UMAD1: variants seen among roughly 807,000 people sequenced by gnomAD.
The protein encoded by UMAD1 is UBAP1-MVB12-associated (UMA)-domain containing protein 1.
In UMAD1, 8 loss-of-function variants were observed where a neutral mutation model predicts 6.1. That is an observed-to-expected ratio of 1.30 (90% CI 0.76 to 2.35). The LOEUF is 2.35. UMAD1 is among the 30% of genes most tolerant of loss of function. UMAD1 has a pLI of 0.00. For synonymous variants in UMAD1, 56 were observed against 31.4 expected (o/e 1.78, Z -2.61); for missense variants, 130 against 78.4 (o/e 1.66, Z -2.49).
intron 2 of UMAD1, among the ~76,000 whole-genome samples, chr7:7,757,579 A>T (rs1781801906): frequency 1.3e-5 from 2 of 152,208 alleles, no homozygotes; most frequent in Non-Finnish European, 1.5e-5. Context: ...AACTTTTTTG[A>T]AGAGTTAGTT....
chr7:7,695,449 C>T (rs1384359354), intron 2 of UMAD1, among the ~76,000 whole-genome samples: 2 of 151,974 alleles, frequency 1.3e-5, no homozygotes, highest in Non-Finnish European at 2.9e-5. Context: ...ATTTTTTTTA[C>T]TCTGATTCTG....
chr7:7,647,520 A>C (rs765464003), intron 1 of UMAD1, among the ~76,000 whole-genome samples: 3 of 152,214 alleles, frequency 2.0e-5, no homozygotes, highest in Non-Finnish European at 4.4e-5. Context: ...TGTCTGCTTA[A>C]TATCTCAATT....
chr7:7,805,854 C>G (rs1046595365), intron 3 of UMAD1, among the ~76,000 whole-genome samples: 14 of 152,116 alleles, frequency 9.2e-5, no homozygotes, highest in Non-Finnish European at 1.8e-4. Context: ...GTCACTGTCA[C>G]ATAACTCTGT....
chr7:7,734,008 G>A (rs36092641), intron 2 of UMAD1, among the ~76,000 whole-genome samples: 45,120 of 151,828 alleles, frequency 0.3, 7,743 homozygotes, highest in African/African-American at 0.48. Context: ...AATAGTTAAG[G>A]ATTAACAGTG....
chr7:7,778,888 TA>T (rs1288538826), intron 2 of UMAD1, among the ~76,000 whole-genome samples: 1 of 152,222 alleles, frequency 6.6e-6, no homozygotes, highest in African/African-American at 2.4e-5. Flanking sequence ...GAATAAATGC[TA>T]ATAGCAATTT....
At chr7:7,836,173 A>G (rs1287523073) in intron 3 of UMAD1, among the ~76,000 whole-genome samples, 2 of 152,036 alleles carry the variant, frequency 1.3e-5, no homozygotes, top group Non-Finnish European at 2.9e-5. Context: ...CTTACTGTCA[A>G]TTTGTGTACA....
rs1289173578 is a variant in UMAD1, at chr7:7,709,828, G to A, written c.82+36375G>A. Among the ~76,000 whole-genome samples the A allele has an allele frequency of 6.6e-5, 10 of 151,768 alleles. 1 individual carries two copies. Among genetic ancestry groups the A allele is most frequent in the African/African-American group, 2.4e-4 (10 of 41,368 alleles). On this transcript the variant is annotated intron_variant, in intron 2 of 3. Coordinates refer to ENST00000682710, the MANE Select transcript of UMAD1 (RefSeq NM_001302348.2). The stretch of plus-strand genomic sequence containing the variant: ...AACATATTCAGAATGACAATGTGAT[G>A]AACACCTGTGTACCCACCAATTGGT...
Position 7,762,855 on chromosome 7 carries a change from A to G in UMAD1, c.83-38815A>G, listed in dbSNP as rs186234998. Among the ~76,000 whole-genome samples the G allele has an allele frequency of 1.3e-3, 190 of 151,380 alleles. 5 individuals are homozygous for G. The East Asian group carries it at 0.031, about 24-fold the overall frequency. On this transcript the variant is annotated intron_variant, in intron 2 of 3. Coordinates refer to ENST00000682710, the MANE Select transcript of UMAD1 (RefSeq NM_001302348.2). ...GCTTCATGAGTTGAAAGCACATTAC[A>G]TATATGTAAGATTTAATGGATTTAA...
intron 3 of UMAD1, among the ~76,000 whole-genome samples, chr7:7,809,454 G>A (rs923811077): frequency 1.3e-5 from 2 of 151,756 alleles, no homozygotes; most frequent in Admixed American, 6.6e-5. Flanking sequence ...TATTTATGGG[G>A]TACGGTGTGA....
chr7:7,669,844 C>T (rs1433450382), intron 1 of UMAD1, among the ~76,000 whole-genome samples: 1 of 152,178 alleles, frequency 6.6e-6, no homozygotes. Context: ...TTTCTATAGT[C>T]TCTGCCTCCT....
At chr7:7,864,317 A>T (rs1784183180) in intron 3 of UMAD1, among the ~76,000 whole-genome samples, 1 of 152,178 alleles carries the variant, frequency 6.6e-6, no homozygotes, top group Non-Finnish European at 1.5e-5. Flanking sequence ...AATAAATGTG[A>T]GCTCTACATT....
intron 2 of UMAD1, among the ~76,000 whole-genome samples, chr7:7,712,885 T>C (rs182001435): frequency 3.4e-4 from 52 of 152,298 alleles, no homozygotes; most frequent in African/African-American, 1.1e-3. Flanking sequence ...TTAGAATTGG[T>C]ATAAGATTTG....
At chr7:7,772,244 G>A (rs1782116656) in intron 2 of UMAD1, 1 of 152,084 alleles carries the variant, frequency 6.6e-6, no homozygotes, top group Non-Finnish European at 1.5e-5. Flanking sequence ...TCCTTACTAT[G>A]GATTTTAATG....
chr7:7,765,040 T>A (rs1380037053), intron 2 of UMAD1, among the ~76,000 whole-genome samples: 1 of 152,098 alleles, frequency 6.6e-6, no homozygotes, highest in East Asian at 1.9e-4. Flanking sequence ...AATCAGGTAT[T>A]GTCTTGTTGT....
chr7:7,835,839 T>C (rs924411219), intron 3 of UMAD1, among the ~76,000 whole-genome samples: 13 of 152,064 alleles, frequency 8.5e-5, no homozygotes, highest in African/African-American at 3.1e-4. Flanking sequence ...TCCATTTAGT[T>C]ATGAGTAATA....
At chr7:7,650,105 G>A (rs1473553797) in intron 1 of UMAD1, among the ~76,000 whole-genome samples, 2 of 152,136 alleles carry the variant, frequency 1.3e-5, no homozygotes, top group Non-Finnish European at 2.9e-5. Flanking sequence ...AGTTACTTTG[G>A]GTCAAGACAG....
intron 3 of UMAD1, among the ~76,000 whole-genome samples, chr7:7,832,140 A>G (rs966177049): frequency 4.6e-5 from 7 of 152,200 alleles, no homozygotes; most frequent in African/African-American, 1.7e-4. Context: ...ATATTGAAGA[A>G]TTGCTTTTGC....
chr7:7,760,231 C>A (rs191320680), intron 2 of UMAD1, among the ~76,000 whole-genome samples: 1 of 151,818 alleles, frequency 6.6e-6, no homozygotes, highest in African/African-American at 2.4e-5. Context: ...GTGAAGTTGT[C>A]CTTCAACTGT....
At chr7:7,738,349 T>C (rs1485980806) in intron 2 of UMAD1, among the ~76,000 whole-genome samples, 1 of 152,214 alleles carries the variant, frequency 6.6e-6, no homozygotes, top group African/African-American at 2.4e-5. Context: ...CATCAAGTCA[T>C]AAAATTTAAA....
Sources: allele counts gnomAD v4.1 joint callset (sites outside exome capture counted in the v4.1 genomes callset), GRCh38; gene constraint gnomAD v4.1.1; transcripts MANE v1.5; gene names NCBI Gene and HGNC (gene_info 2026-07-23, HGNC 2026-07-21).